Variants in GALNT15 observed in about 807,000 individuals in gnomAD.
GALNT15 encodes UDP-GalNAc transferase T15.
In GALNT15, 67 loss-of-function variants were observed where a neutral mutation model predicts 66.8. That is an observed-to-expected ratio of 1.00 (90% CI 0.82 to 1.23). GALNT15 has a LOEUF of 1.23. Among genes scored for constraint, GALNT15 ranks in the 50% most tolerant of loss-of-function variants. The pLI is 0.00. For synonymous variants in GALNT15, 313 were observed against 311.5 expected (o/e 1.00, Z -0.05); for missense variants, 827 against 804.3 (o/e 1.03, Z -0.34).
At position 16,186,306 on chromosome 3, in the gene GALNT15, G is replaced by A. The variant is rs1350611139; in HGVS notation, c.540-9454G>A. On this transcript the variant is annotated intron_variant, in intron 1 of 9. Coordinates refer to ENST00000339732, the MANE Select transcript of GALNT15 (RefSeq NM_054110.5). This position sits in a 1 kb window ranked among gnomAD's most constrained non-coding sequence, Gnocchi z 5.1. Reference sequence around the variant, plus strand: ...AGACAGTGCAAGTGCTGACAAGGATGTGGAGAAATTGGAACCCTCACACAT... The same window carrying A: ...AGACAGTGCAAGTGCTGACAAGGATATGGAGAAATTGGAACCCTCACACAT... Among the ~76,000 whole-genome samples the A allele has an allele frequency of 6.6e-6, 1 of 152,230 alleles. No homozygotes were observed. Among genetic ancestry groups the A allele is most frequent in the African/African-American group, 2.4e-5 (1 of 41,468 alleles).
rs1460676115 is a variant in GALNT15, at chr3:16,214,950, C to T, written c.1392+2187C>T. On this transcript the variant is annotated intron_variant, in intron 6 of 9. Transcript: ENST00000339732. ...CTTGGGTTTCTTTTGGCCAAACCAT[C>T]TATTTTTCTCTCTTGGGATTTAGTA... 2.2e-4 allele frequency among the ~76,000 whole-genome samples: 34 copies of T among 152,234 alleles called. 1 individual carries two copies. Among genetic ancestry groups the T allele is most frequent in the Non-Finnish European group, 1.5e-5 (1 of 68,044 alleles).
rs994112726 is a variant in GALNT15 at position 16,193,933 on chromosome 3, A to C, written c.540-1827A>C. Among the ~76,000 whole-genome samples the C allele has an allele frequency of 1.3e-5, 2 of 152,142 alleles. No individual in the cohort carries two copies. The highest frequency in any genetic ancestry group is 6.5e-5 in the Admixed American group (1 of 15,284). On this transcript the variant is annotated intron_variant, in intron 1 of 9. Coordinates refer to ENST00000339732, the MANE Select transcript of GALNT15 (RefSeq NM_054110.5). This position sits in a 1 kb window ranked among gnomAD's most constrained non-coding sequence, Gnocchi z 4.7. Reference sequence around the variant, plus strand: ...CTGCTCCATGTATCAGGTTGTTATAATTCACTCCACCCTGGACCCACTGAT... The same window carrying C: ...CTGCTCCATGTATCAGGTTGTTATACTTCACTCCACCCTGGACCCACTGAT...
At chr3:16,185,156 G>A (rs1039744875) in intron 1 of GALNT15, among the ~76,000 whole-genome samples, 12 of 152,186 alleles carry the variant, frequency 7.9e-5, no homozygotes, top group African/African-American at 2.4e-4. Flanking sequence ...TCTGTTAAAT[G>A]ACTTGATAGA....
In GALNT15 at chr3:16,219,506, C is replaced by G; in HGVS notation, c.1496C>G (p.Ser499Cys). 1 of 1,614,236 alleles carries G rather than the reference C, an allele frequency of 6.2e-7. No homozygotes were observed. Among genetic ancestry groups the G allele is most frequent in the South Asian group, 1.1e-5 (1 of 91,086 alleles). The change falls in exon 7 of 10, where the codon TCT becomes TGT. Residue 499 changes from serine (S) to cysteine (C), a missense_variant. Transcript: ENST00000339732. The surrounding 1 kb of genome is among the most constrained non-coding windows in gnomAD (Gnocchi z 4.3). ...LANVYPELYP[S>C]EPRPSFSGKL... ...AATGTCTACCCTGAGCTGTACCCAT[C>G]TGAACCCAGGCCCAGTTTCTCTGGA...
chr3:16,195,718 G>A lies in GALNT15; in HGVS notation c.540-42G>A. The A allele has an allele frequency of 6.3e-7, 1 of 1,576,870 alleles. No individual in the cohort carries two copies. Among genetic ancestry groups the A allele is most frequent in the Non-Finnish European group, 8.7e-7 (1 of 1,154,238 alleles). On this transcript the variant is annotated intron_variant, in intron 1 of 9. Transcript: ENST00000339732. The surrounding 1 kb of genome is among the most constrained non-coding windows in gnomAD (Gnocchi z 4.6). ...TTAGAGGGTGTGGAGTGTTTCTTGTGGCCTTCTCTTCCCCATGGCTCTCTG... is the reference window on the plus strand; with the variant it reads ...TTAGAGGGTGTGGAGTGTTTCTTGTAGCCTTCTCTTCCCCATGGCTCTCTG...
the GALNT15 span, among the ~76,000 whole-genome samples, chr3:16,239,869 G>C: frequency 1.2e-4 from 19 of 152,330 alleles, no homozygotes; most frequent in East Asian, 9.6e-4. The surrounding 1 kb of genome is among the most constrained non-coding windows in gnomAD (Gnocchi z 5.2). Context: ...AGGAAGTTGC[G>C]TGAGAATCTT....
At chr3:16,208,958 C>T (rs894023247) in intron 4 of GALNT15, among the ~76,000 whole-genome samples, 2 of 152,180 alleles carry the variant, frequency 1.3e-5, no homozygotes, top group Non-Finnish European at 2.9e-5. Context: ...TCATAAAGTT[C>T]CGACAGGGTC....
At chr3:16,233,387 G>A (rs1453896079), downstream of GALNT15, among the ~76,000 whole-genome samples, 3 of 152,000 alleles carry the variant, frequency 2.0e-5, no homozygotes, top group Non-Finnish European at 2.9e-5. Context: ...GAGCCACCAC[G>A]CCCAGCCAGG....
intron 6 of GALNT15, among the ~76,000 whole-genome samples, chr3:16,218,771 A>C (rs6442588): frequency 0.15 from 22,722 of 149,740 alleles, 1,897 homozygotes; most frequent in Admixed American, 0.22. Context: ...CTGCAGAAAA[A>C]TCATTAAAGC....
downstream of GALNT15, among the ~76,000 whole-genome samples, chr3:16,231,312 TTAAAG>T (rs1333889999): frequency 3.5e-4 from 53 of 152,216 alleles, no homozygotes; most frequent in African/African-American, 1.1e-3. This position sits in a 1 kb window ranked among gnomAD's most constrained non-coding sequence, Gnocchi z 4.1. Flanking sequence ...ATTCTAGAAC[TTAAAG>T]TAAAATAAAT....
At position 16,175,543 on chromosome 3, in the gene GALNT15, C is replaced by A. The variant is rs1346674709; in HGVS notation, c.392C>A (p.Pro131Gln). 6.2e-7 allele frequency: 1 copy of A among 1,613,908 alleles called. No individual in the cohort carries two copies. The highest frequency in any genetic ancestry group is 1.3e-5 in the African/African-American group (1 of 74,900). The part of the protein sequence containing the change: ...KQPRRQDKEA[P>Q]KRDWGADEDG... The stretch of plus-strand genomic sequence containing the variant: ...CCAAGGAGGCAGGATAAGGAAGCCC[C>A]AAAGAGGGACTGGGGGGCTGATGAG... Residue 131 changes from proline to glutamine, a missense_variant, in exon 1 of 10, where the codon CCA becomes CAA. Coordinates refer to ENST00000339732, the MANE Select transcript of GALNT15 (RefSeq NM_054110.5). The surrounding 1 kb of genome is among the most constrained non-coding windows in gnomAD (Gnocchi z 5.6).
chr3:16,208,007 GC>G (rs2063775546), intron 3 of GALNT15, among the ~76,000 whole-genome samples: 1 of 152,300 alleles, frequency 6.6e-6, no homozygotes, highest in African/African-American at 2.4e-5. Context: ...GCAGAGCTGA[GC>G]CTAGGACCCG....
Position 16,219,211 on chromosome 3 carries a change from G to T in GALNT15, c.1393-192G>T, listed in dbSNP as rs887635664. Among the ~76,000 whole-genome samples the T allele has an allele frequency of 6.6e-6, 1 of 152,116 alleles. No individual in the cohort carries two copies. Among genetic ancestry groups the T allele is most frequent in the East Asian group, 1.9e-4 (1 of 5,186 alleles). On this transcript the variant is annotated intron_variant, in intron 6 of 9. Coordinates refer to ENST00000339732, the MANE Select transcript of GALNT15 (RefSeq NM_054110.5). The surrounding 1 kb of genome is among the most constrained non-coding windows in gnomAD (Gnocchi z 4.3). ...ACAACTCTCTGTAGGGAAGATCTGT[G>T]CTATTCTATCCCTTCCAGACCTTCT... is the stretch of plus-strand genomic sequence containing the variant.
At chr3:16,220,997 A>G (rs2063936594) in intron 8 of GALNT15, among the ~76,000 whole-genome samples, 1 of 152,228 alleles carries the variant, frequency 6.6e-6, no homozygotes. Context: ...TGCTAAGTGA[A>G]GAAGCCACAT....
chr3:16,197,900 A>G lies in GALNT15; in HGVS notation c.706+1974A>G, dbSNP rs574477612. 1.4e-4 allele frequency among the ~76,000 whole-genome samples: 20 copies of G among 144,840 alleles called. 4 individuals are homozygous for G. Among genetic ancestry groups the G allele is most frequent in the Admixed American group, 7.0e-4 (10 of 14,316 alleles). On this transcript the variant is annotated intron_variant, in intron 2 of 9. Transcript: ENST00000339732. ...TCTGAGAATGCCAAACAACCATCGC[A>G]GTCTGGAAGTTCTTCCTTATCTATT...
Position 16,186,037 on chromosome 3 carries a change from A to C in GALNT15, c.540-9723A>C, listed in dbSNP as rs2063513621. Among the ~76,000 whole-genome samples the C allele has an allele frequency of 1.3e-5, 2 of 152,240 alleles. No homozygotes were observed. The highest frequency in any genetic ancestry group is 2.4e-5 in the African/African-American group (1 of 41,464). ...TCCAAGAGTAGAAGAAAATGTTTGT[A>C]AGTCCTATATTGCATAAGAGATTTG... On this transcript the variant is annotated intron_variant, in intron 1 of 9. Transcript: ENST00000339732. This position sits in a 1 kb window ranked among gnomAD's most constrained non-coding sequence, Gnocchi z 5.1.
At chr3:16,242,876 C>A in the GALNT15 span, among the ~76,000 whole-genome samples, 7 of 152,042 alleles carry the variant, frequency 4.6e-5, no homozygotes, top group African/African-American at 1.4e-4. This position sits in a 1 kb window ranked among gnomAD's most constrained non-coding sequence, Gnocchi z 5.6. Context: ...AAGTGCAGAA[C>A]CTGAGCAAGG....
At chr3:16,236,100 GTC>G (rs2064123715), downstream of GALNT15, among the ~76,000 whole-genome samples, 1 of 7,064 alleles carries the variant, frequency 1.4e-4, no homozygotes, top group Non-Finnish European at 3.5e-4. Context: ...GCAAGACTAT[GTC>G]TCAAAAAAAA....
chr3:16,223,883 A>G (rs2063976646), intron 9 of GALNT15, among the ~76,000 whole-genome samples: 1 of 151,978 alleles, frequency 6.6e-6, no homozygotes, highest in African/African-American at 2.4e-5. Flanking sequence ...TAGTAGAGAC[A>G]GGGTTTTGCC....
Sources: gnomAD v4.1 joint callset for allele counts (sites outside exome capture counted in the v4.1 genomes callset) on GRCh38, gnomAD v4.1.1 for gene constraint, Gnocchi (gnomAD v3.1) non-coding constraint, MANE v1.5 for transcripts, NCBI Gene and HGNC (gene_info 2026-07-23, HGNC 2026-07-21) for gene names.